Variants in HSF5 observed in about 807,000 individuals in gnomAD.
HSF5 encodes heat shock factor protein 5.
Under a neutral mutation model 50.8 loss-of-function variants are expected in HSF5, and 5 were observed. The observed-to-expected ratio is 0.10, with a 90% CI of 0.05 to 0.21. The LOEUF (loss-of-function observed/expected upper bound fraction) is 0.21. Ranked by LOEUF, HSF5 falls within the 10% of genes least tolerant of loss-of-function variation. The pLI is 1.00. For missense variants in HSF5, 564 were observed against 762.6 expected (o/e 0.74, Z 3.07); for synonymous variants, 307 against 307.4 (o/e 1.00, Z 0.02).
chr17:58,449,226 G>A (rs1024110126), intron 5 of HSF5, among the ~76,000 whole-genome samples: 2 of 152,154 alleles, frequency 1.3e-5, no homozygotes, highest in Non-Finnish European at 2.9e-5. Context: ...AAGGAAGAAA[G>A]GAGTTACAAA....
At chr17:58,487,205 C>T (rs1057225821) in intron 1 of HSF5, among the ~76,000 whole-genome samples, 15 of 152,328 alleles carry the variant, frequency 9.8e-5, no homozygotes, top group African/African-American at 3.6e-4. Context: ...CACGCCCAAC[C>T]GTAATGTTCT....
At chr17:58,445,501 G>A (rs912455412) in intron 5 of HSF5, among the ~76,000 whole-genome samples, 5 of 152,186 alleles carry the variant, frequency 3.3e-5, no homozygotes, top group Non-Finnish European at 7.3e-5. Flanking sequence ...CAACCTAAAT[G>A]TCTATTAAGA....
intron 5 of HSF5, among the ~76,000 whole-genome samples, chr17:58,423,048 C>G (rs1974247428): frequency 6.6e-6 from 1 of 152,086 alleles, no homozygotes; most frequent in African/African-American, 2.4e-5. Flanking sequence ...TCAAAGGGAT[C>G]AAAGTGAATA....
intron 5 of HSF5, among the ~76,000 whole-genome samples, chr17:58,445,309 G>A (rs1974546048): frequency 6.6e-6 from 1 of 152,220 alleles, no homozygotes; most frequent in South Asian, 2.1e-4. Flanking sequence ...GCCAGGCGCG[G>A]TGGCACACGC....
At chr17:58,478,300 TACACACAC>T (rs1313998815) in intron 2 of HSF5, among the ~76,000 whole-genome samples, 2 of 145,100 alleles carry the variant, frequency 1.4e-5, no homozygotes, top group East Asian at 4.0e-4. Context: ...TATATATATA[TACACACAC>T]ACATACACAC....
At chr17:58,453,511 T>A (rs1308027224) in intron 5 of HSF5, among the ~76,000 whole-genome samples, 1 of 151,730 alleles carries the variant, frequency 6.6e-6, no homozygotes, top group Non-Finnish European at 1.5e-5. Flanking sequence ...GGAGATTCAC[T>A]TGAACCTAGG....
chr17:58,469,441 G>A (rs952366063), intron 2 of HSF5, among the ~76,000 whole-genome samples: 6 of 152,182 alleles, frequency 3.9e-5, no homozygotes, highest in Non-Finnish European at 8.8e-5. Flanking sequence ...GTTCTTTAAA[G>A]TATCCAGTAA....
intron 4 of HSF5, 113 bp downstream of exon 4, chr17:58,462,669 T>A: frequency 1.0e-6 from 1 of 990,970 alleles, no homozygotes; most frequent in Non-Finnish European, 1.5e-6. Context: ...GAAACCATAA[T>A]GAACTGGTAT....
At position 58,487,830 on chromosome 17, in the gene HSF5, G is replaced by A. The variant is rs1172279004; in HGVS notation, c.445C>T (p.Pro149Ser). The A allele has an allele frequency of 1.3e-6, 2 of 1,580,216 alleles. No individual in the cohort carries two copies. Among genetic ancestry groups the A allele is most frequent in the East Asian group, 2.3e-5 (1 of 42,686 alleles). The stretch of plus-strand genomic sequence containing the variant: ...ATGAGCAGCCGCTGGAAGCGGTTGG[G>A]CGGGCGGCAGGGCACCTCCAGGCCG... Reference protein sequence around the residue: ...AAGLEVPCRPPNRFQRLLITS... With the variant: ...AAGLEVPCRPSNRFQRLLITS... The change falls in exon 1 of 6, where the codon CCC (proline) becomes TCC (serine). Residue 149 changes from proline to serine, a missense_variant. Coordinates refer to ENST00000323777, the MANE Select transcript of HSF5 (RefSeq NM_001080439.3).
intron 5 of HSF5, among the ~76,000 whole-genome samples, chr17:58,427,757 G>A (rs1974314169): frequency 6.6e-6 from 1 of 152,222 alleles, no homozygotes; most frequent in African/African-American, 2.4e-5. Context: ...CTCCCCACAA[G>A]GGGTGCCTCC....
At chr17:58,430,834 T>G (rs1487303633) in intron 5 of HSF5, among the ~76,000 whole-genome samples, 1 of 152,162 alleles carries the variant, frequency 6.6e-6, no homozygotes, top group Non-Finnish European at 1.5e-5. Context: ...CACTTAACAA[T>G]GGGGATATGT....
chr17:58,476,999 A>T, intron 2 of HSF5: 1 of 582,100 alleles, frequency 1.7e-6, no homozygotes, highest in Non-Finnish European at 3.1e-6. Flanking sequence ...CTAAGGGAAC[A>T]GGCAGGCAGC....
intron 5 of HSF5, among the ~76,000 whole-genome samples, chr17:58,435,509 T>C (rs1974415986): frequency 6.6e-6 from 1 of 152,116 alleles, no homozygotes; most frequent in East Asian, 1.9e-4. Flanking sequence ...ATCACGCCAC[T>C]GCACTCCAGC....
chr17:58,438,222 T>C (rs1379386925), intron 5 of HSF5, among the ~76,000 whole-genome samples: 1 of 152,200 alleles, frequency 6.6e-6, no homozygotes, highest in African/African-American at 2.4e-5. Context: ...TATGTTTAGA[T>C]ACACAAATAC....
intron 5 of HSF5, among the ~76,000 whole-genome samples, chr17:58,434,549 CA>C (rs562860108): frequency 0.017 from 2,039 of 123,044 alleles, 12 homozygotes; most frequent in Middle Eastern, 0.05. Flanking sequence ...GACTCCATCT[CA>C]AAAAAAAAAA....
chr17:58,447,849 A>G (rs2143757030), intron 5 of HSF5, among the ~76,000 whole-genome samples: 1 of 152,284 alleles, frequency 6.6e-6, no homozygotes, highest in Admixed American at 6.5e-5. Context: ...ACAAATGTCC[A>G]CTAATATCAA....
intron 5 of HSF5, among the ~76,000 whole-genome samples, chr17:58,424,547 G>T (rs1214393591): frequency 6.6e-6 from 1 of 151,824 alleles, no homozygotes; most frequent in East Asian, 1.9e-4. Flanking sequence ...GGGAGATGGA[G>T]GTTGCAGTGA....
intron 2 of HSF5, chr17:58,476,974 C>A: frequency 1.6e-6 from 1 of 618,580 alleles, no homozygotes. Context: ...GAGACGGGGG[C>A]GGGGGAAGGG....
At chr17:58,435,568 A>C (rs867585256) in intron 5 of HSF5, among the ~76,000 whole-genome samples, 8 of 151,746 alleles carry the variant, frequency 5.3e-5, no homozygotes, top group African/African-American at 1.9e-4. Flanking sequence ...AAATAAATAA[A>C]TAAATAGAGA....
Sources: gnomAD v4.1 joint callset for allele counts (sites outside exome capture counted in the v4.1 genomes callset) on GRCh38, gnomAD v4.1.1 for gene constraint, MANE v1.5 for transcripts, NCBI Gene and HGNC (gene_info 2026-07-23, HGNC 2026-07-21) for gene names.